The following SRGAP3 variants were observed in gnomAD, a reference collection of about 807,000 sequenced individuals.
The protein encoded by SRGAP3 is SLIT-ROBO Rho GTPase activating protein 3, also known as SLIT-ROBO Rho GTPase-activating protein 3.
A neutral mutation model predicts 121.1 loss-of-function variants in SRGAP3; 39 were observed. The observed-to-expected ratio is 0.32, with a 90% CI of 0.25 to 0.42. The LOEUF is 0.42. Among genes scored for constraint, SRGAP3 ranks in the 10% least tolerant of loss-of-function variants. SRGAP3 has a pLI of 1.00. For missense variants in SRGAP3, 1,213 were observed against 1,470.6 expected, an observed-to-expected ratio of 0.82 and a Z score of 2.86; for synonymous variants, 601 against 570.0, an observed-to-expected ratio of 1.05 and a Z score of -0.77.
chr3:9,182,193 A>C (rs1461038008), intron 1 of SRGAP3, among the ~76,000 whole-genome samples: 1 of 150,916 alleles, frequency 6.6e-6, no homozygotes, highest in East Asian at 1.9e-4. Flanking sequence ...AAAAAAAAAA[A>C]AAAAAAAACA....
intron 3 of SRGAP3, among the ~76,000 whole-genome samples, chr3:9,084,787 C>T (rs1167051621): frequency 1.3e-5 from 2 of 152,174 alleles, no homozygotes; most frequent in Non-Finnish European, 2.9e-5. Context: ...CAGGCCTGTG[C>T]CAGTGAAATT....
chr3:9,142,929 T>C (rs11914809), intron 1 of SRGAP3, among the ~76,000 whole-genome samples: 12,842 of 150,286 alleles, frequency 0.085, 1,846 homozygotes, highest in African/African-American at 0.3. Flanking sequence ...CCTTGACCTT[T>C]CAGGCTCAAG....
chr3:9,326,445 T>A (rs115453548), intron 2 of SRGAP3, among the ~76,000 whole-genome samples: 3,098 of 151,998 alleles, frequency 0.02, 72 homozygotes, highest in Middle Eastern at 0.058. Flanking sequence ...CCACAATGTA[T>A]AAGTCACCAC....
chr3:9,148,064 G>A (rs1023196090), intron 1 of SRGAP3, among the ~76,000 whole-genome samples: 3 of 152,174 alleles, frequency 2.0e-5, no homozygotes, highest in African/African-American at 2.4e-5. Flanking sequence ...AAATACCCAC[G>A]GATCCAGTTT....
chr3:9,238,781 G>T (rs1243645389), intron 1 of SRGAP3, among the ~76,000 whole-genome samples: 1 of 152,084 alleles, frequency 6.6e-6, no homozygotes, highest in East Asian at 1.9e-4. Context: ...AAATATCCAG[G>T]GTCCCTCATG....
At chr3:9,170,030 G>A (rs939172985) in intron 1 of SRGAP3, among the ~76,000 whole-genome samples, 1 of 152,202 alleles carries the variant, frequency 6.6e-6, no homozygotes, top group Admixed American at 6.5e-5. Flanking sequence ...AGACAAGCCT[G>A]TGTTGACATT....
chr3:9,125,999 C>T (rs534182421), intron 1 of SRGAP3, among the ~76,000 whole-genome samples: 23 of 152,294 alleles, frequency 1.5e-4, no homozygotes, highest in African/African-American at 5.5e-4. Flanking sequence ...AAATGTGTGC[C>T]CCGTCTGAAA....
At chr3:9,275,619 T>C (rs536765393) in intron 3 of SRGAP3, among the ~76,000 whole-genome samples, 34 of 152,280 alleles carry the variant, frequency 2.2e-4, no homozygotes, top group African/African-American at 8.2e-4. Flanking sequence ...TAAATAAGGC[T>C]CACGACATGT....
intron 10 of SRGAP3, among the ~76,000 whole-genome samples, chr3:9,044,706 CTTAGAAGAGA>C (rs1469411702): frequency 1.3e-5 from 2 of 152,192 alleles, no homozygotes; most frequent in East Asian, 3.8e-4. Flanking sequence ...CTACCCTACT[CTTAGAAGAGA>C]ATCCTACTGA....
intron 3 of SRGAP3, among the ~76,000 whole-genome samples, chr3:9,256,047 C>A (rs555501799): frequency 6.6e-6 from 1 of 152,234 alleles, no homozygotes; most frequent in South Asian, 2.1e-4. Flanking sequence ...CCAGGCTCTA[C>A]CGAGAGACCC....
At chr3:9,127,060 G>A (rs1053046613) in intron 1 of SRGAP3, among the ~76,000 whole-genome samples, 11 of 152,120 alleles carry the variant, frequency 7.2e-5, no homozygotes, top group South Asian at 2.1e-4. Flanking sequence ...ATGAGACCAC[G>A]TCTGTCATCA....
intron 3 of SRGAP3, among the ~76,000 whole-genome samples, chr3:9,081,524 G>C (rs760149943): frequency 2.0e-5 from 3 of 152,220 alleles, no homozygotes; most frequent in Non-Finnish European, 4.4e-5. Context: ...ATGCTAAAAA[G>C]GGGGAGCAGG....
At chr3:9,030,794 C>T (rs1944445609) in intron 12 of SRGAP3, among the ~76,000 whole-genome samples, 1 of 152,208 alleles carries the variant, frequency 6.6e-6, no homozygotes, top group Non-Finnish European at 1.5e-5. Flanking sequence ...CCTAAGCAAA[C>T]TGAGGATGTC....
At chr3:9,165,964 T>C (rs189586954) in intron 1 of SRGAP3, among the ~76,000 whole-genome samples, 5 of 152,340 alleles carry the variant, frequency 3.3e-5, no homozygotes, top group Middle Eastern at 3.4e-3. Context: ...GAAAACCCCA[T>C]GTGAGGGGGC....
At chr3:9,031,589 G>T (rs1396967628) in intron 12 of SRGAP3, among the ~76,000 whole-genome samples, 1 of 152,078 alleles carries the variant, frequency 6.6e-6, no homozygotes, top group East Asian at 1.9e-4. Context: ...ACAGTCCTGG[G>T]ACCCAGGCTG....
At chr3:9,150,928 C>G (rs1246236923) in intron 1 of SRGAP3, among the ~76,000 whole-genome samples, 1 of 152,180 alleles carries the variant, frequency 6.6e-6, no homozygotes, top group Non-Finnish European at 1.5e-5. Flanking sequence ...ACCTTCCAGT[C>G]TAGAAGAAAC....
At chr3:9,183,694 C>G (rs1459735305) in intron 1 of SRGAP3, among the ~76,000 whole-genome samples, 1 of 151,894 alleles carries the variant, frequency 6.6e-6, no homozygotes, top group Non-Finnish European at 1.5e-5. Context: ...GAACACACGG[C>G]TCCCTAGGAA....
chr3:9,022,505 A>G (rs1294289528), intron 14 of SRGAP3, among the ~76,000 whole-genome samples: 2 of 152,192 alleles, frequency 1.3e-5, no homozygotes, highest in African/African-American at 2.4e-5. Context: ...ACACAGAGAT[A>G]AGCAGGCTGA....
intron 1 of SRGAP3, among the ~76,000 whole-genome samples, chr3:9,346,753 CTT>C (rs142138773): frequency 0.63 from 82,349 of 130,276 alleles, 25,193 homozygotes; most frequent in South Asian, 0.8. Context: ...GCAATTTTTT[CTT>C]TTTTTTTTTT....
Sources: allele counts gnomAD v4.1 joint callset (sites outside exome capture counted in the v4.1 genomes callset), GRCh38; gene constraint gnomAD v4.1.1; transcripts MANE v1.5; gene names NCBI Gene and HGNC (gene_info 2026-07-23, HGNC 2026-07-21).